The following TMC2 variants were observed in gnomAD, a reference collection of about 807,000 sequenced individuals.
The protein encoded by TMC2 is transmembrane channel-like protein 2.
In TMC2, 102 loss-of-function variants were observed where a neutral mutation model predicts 105.9. That is an observed-to-expected ratio of 0.96 (90% confidence interval 0.82 to 1.14). The LOEUF is 1.14. Among genes scored for constraint, TMC2 ranks in the 50% most tolerant of loss-of-function variants. The pLI, the probability that TMC2 is intolerant of heterozygous loss-of-function variation, is 0.00. For missense variants in TMC2, 1,093 were observed against 1,134.3 expected (o/e 0.96, Z 0.52); for synonymous variants, 402 against 422.8 (o/e 0.95, Z 0.60).
At chr20:2,624,022 TAA>T (rs2086545908) in intron 16 of TMC2, among the ~76,000 whole-genome samples, 2 of 152,320 alleles carry the variant, frequency 1.3e-5, no homozygotes, top group South Asian at 4.1e-4. Context: ...CAGTGAAGGC[TAA>T]GAGGTTGTAA....
intron 19 of TMC2, among the ~76,000 whole-genome samples, chr20:2,638,841 T>C (rs1286526426): frequency 6.6e-6 from 1 of 152,118 alleles, no homozygotes; most frequent in Admixed American, 6.5e-5. Flanking sequence ...ACTGTTATTA[T>C]AAAAGAGATA....
At chr20:2,536,687 C>T (rs960576283) in intron 1 of TMC2, 32 bp downstream of exon 1, 4 of 1,562,880 alleles carry the variant, frequency 2.6e-6, no homozygotes, top group Non-Finnish European at 3.5e-6. Context: ...GCGGGGCCCG[C>T]CCACAGGGTT....
At chr20:2,640,277 T>C (rs919979937) in intron 19 of TMC2, among the ~76,000 whole-genome samples, 1 of 152,236 alleles carries the variant, frequency 6.6e-6, no homozygotes, top group African/African-American at 2.4e-5. Flanking sequence ...ATTACAGGCA[T>C]GAGCCACTGC....
intron 8 of TMC2, among the ~76,000 whole-genome samples, chr20:2,594,313 C>T (rs1600118696): frequency 6.7e-6 from 1 of 150,288 alleles, no homozygotes; most frequent in Admixed American, 6.7e-5. Context: ...CTGCAACCTC[C>T]ACCTCCCAGG....
intron 2 of TMC2, among the ~76,000 whole-genome samples, chr20:2,545,841 G>GAAAGAAAGAA (rs2085921470): frequency 1.6e-5 from 2 of 123,760 alleles, no homozygotes; most frequent in Non-Finnish European, 3.5e-5. Context: ...AAGAAAGAAA[G>GAAAGAAAGAA]AAAGAAAGAA....
At chr20:2,613,460 G>A (rs767574526) in intron 14 of TMC2, 138 bp downstream of exon 14, 3 of 1,286,508 alleles carry the variant, frequency 2.3e-6, no homozygotes, top group African/African-American at 1.5e-5. Context: ...GTAGTAAAGT[G>A]TTTAATTTGT....
At position 2,616,149 on chromosome 20, in the gene TMC2, G is replaced by C. The variant is rs767486578; in HGVS notation, c.1885G>C (p.Glu629Gln). 1.2e-6 allele frequency: 2 copies of C among 1,612,828 alleles called. No individual in the cohort carries two copies. Among genetic ancestry groups the C allele is most frequent in the Non-Finnish European group, 1.7e-6 (2 of 1,179,290 alleles). ...CCTCCCTCTCTAGCCTTCATATGCT[G>C]AGTTTGATATTAGTGGAAATGTGCT... ...DLEAGFPSYA[E>Q]FDISGNVLGL... The change falls in exon 15 of 20, where the codon GAG (glutamate) becomes CAG (glutamine). Residue 629 changes from glutamate to glutamine, a missense_variant. Transcript: ENST00000358864. This position sits in a 1 kb window ranked among gnomAD's most constrained non-coding sequence, Gnocchi z 4.8.
At chr20:2,570,577 A>G (rs956074636) in intron 4 of TMC2, among the ~76,000 whole-genome samples, 2 of 152,200 alleles carry the variant, frequency 1.3e-5, no homozygotes, top group Admixed American at 1.3e-4. Context: ...CATACTACTG[A>G]AAGCAATCTA....
At chr20:2,579,908 TCC>T in intron 6 of TMC2, 40 bp from the exon 7 acceptor site, 4 of 1,367,406 alleles carry the variant, frequency 2.9e-6, no homozygotes, top group Admixed American at 3.4e-5. Context: ...GTCCATTTTT[TCC>T]TTCTGCAGCA....
chr20:2,586,867 A>T (rs2086235440), intron 7 of TMC2, among the ~76,000 whole-genome samples: 2 of 152,170 alleles, frequency 1.3e-5, no homozygotes, highest in Non-Finnish European at 2.9e-5. Flanking sequence ...ATATACTTTG[A>T]TATACATTGC....
rs2086243960 is a variant in TMC2, at chr20:2,588,202, G to A, written c.835-4108G>A. ...ACCACTGCTGGCTTAAAGATGGAGG[G>A]AACCATGTAATGGGGAATGTGGGAG... On this transcript the variant is annotated intron_variant, in intron 7 of 19. Coordinates refer to ENST00000358864, the MANE Select transcript of TMC2 (RefSeq NM_080751.3). Among the ~76,000 whole-genome samples the A allele has an allele frequency of 1.3e-5, 2 of 152,192 alleles. 1 individual carries two copies. The highest frequency in any genetic ancestry group is 4.1e-4 in the South Asian group (2 of 4,826).
At chr20:2,639,099 G>A (rs559664610) in intron 19 of TMC2, among the ~76,000 whole-genome samples, 2 of 152,302 alleles carry the variant, frequency 1.3e-5, no homozygotes, top group South Asian at 4.1e-4. Context: ...GTTTCACCAT[G>A]TTGGCCAGGC....
chr20:2,624,432 A>C (rs753562355), intron 17 of TMC2, 36 bp downstream of exon 17: 12 of 1,593,326 alleles, frequency 7.5e-6, no homozygotes, highest in Middle Eastern at 3.4e-4. Context: ...CACCCCACGG[A>C]AACTTCTCCT....
At position 2,616,989 on chromosome 20, in the gene TMC2, C is replaced by A; in HGVS notation, c.1941-83C>A. The A allele has an allele frequency of 1.3e-6, 2 of 1,545,918 alleles. No individual in the cohort carries two copies. Among genetic ancestry groups the A allele is most frequent in the Non-Finnish European group, 1.8e-6 (2 of 1,132,312 alleles). On this transcript the variant is annotated intron_variant, in intron 15 of 19. Coordinates refer to ENST00000358864, the MANE Select transcript of TMC2 (RefSeq NM_080751.3). The surrounding 1 kb of genome is among the most constrained non-coding windows in gnomAD (Gnocchi z 4.8). ...GCAGCTCGGCCTCATGCCCCTAACCCATCCGTCCCATTTCCTTCTATCACC... is the reference window on the plus strand; with the variant it reads ...GCAGCTCGGCCTCATGCCCCTAACCAATCCGTCCCATTTCCTTCTATCACC...
intron 9 of TMC2, among the ~76,000 whole-genome samples, chr20:2,595,948 C>A (rs2086303002): frequency 6.6e-6 from 1 of 152,184 alleles, no homozygotes; most frequent in South Asian, 2.1e-4. Flanking sequence ...ACTGCACAGC[C>A]CTATCAGGCA....
chr20:2,628,560 T>G (rs568996519), intron 17 of TMC2, among the ~76,000 whole-genome samples: 18 of 151,820 alleles, frequency 1.2e-4, no homozygotes, highest in Non-Finnish European at 1.9e-4. Flanking sequence ...ATGGAGGCAG[T>G]TCCCCCCGTG....
chr20:2,613,643 A>C (rs1319606191), intron 14 of TMC2: 1 of 350,734 alleles, frequency 2.9e-6, no homozygotes, highest in Non-Finnish European at 5.5e-6. Flanking sequence ...AGCAGCCTCA[A>C]CTCTCATTAT....
chr20:2,613,546 A>G (rs569589373), intron 14 of TMC2: 3 of 531,462 alleles, frequency 5.6e-6, no homozygotes, highest in East Asian at 8.5e-5. Context: ...GTGACCTTCT[A>G]TTCTAGGAAA....
chr20:2,537,206 G>A (rs1298898656), intron 1 of TMC2, 63 bp from the exon 2 acceptor site: 6 of 1,466,392 alleles, frequency 4.1e-6, no homozygotes, highest in Non-Finnish European at 5.6e-6. Context: ...CAGTGACCGG[G>A]GGTCTGCAGG....
Sources: allele counts gnomAD v4.1 joint callset (sites outside exome capture counted in the v4.1 genomes callset), GRCh38; gene constraint gnomAD v4.1.1; non-coding constraint Gnocchi (gnomAD v3.1); transcripts MANE v1.5; gene names NCBI Gene and HGNC (gene_info 2026-07-23, HGNC 2026-07-21).